Variants in RGMA observed in about 807,000 individuals in gnomAD.
RGMA encodes the protein repulsive guidance molecule BMP co-receptor a.
In RGMA, 10 loss-of-function variants were observed where a neutral mutation model predicts 23.2. The ratio of observed to expected loss-of-function variants is 0.43; its 90% CI spans 0.27 to 0.73. RGMA has a LOEUF of 0.73. Among genes scored for constraint, RGMA ranks in the 30% least tolerant of loss-of-function variants. The pLI is 0.20. For missense variants in RGMA, 547 were observed against 630.5 expected, an observed-to-expected ratio of 0.87 and a Z score of 1.42; for synonymous variants, 308 against 279.3, an observed-to-expected ratio of 1.10 and a Z score of -1.03.
intron 2 of RGMA, among the ~76,000 whole-genome samples, chr15:93,058,898 T>G (rs4777759): frequency 0.55 from 83,040 of 151,920 alleles, 23,091 homozygotes; most frequent in East Asian, 0.84. Context: ...ATAGGGAGGT[T>G]GGGTAGGTAC....
intron 2 of RGMA, among the ~76,000 whole-genome samples, chr15:93,070,856 G>A (rs1300133604): frequency 6.6e-6 from 1 of 152,220 alleles, no homozygotes; most frequent in East Asian, 1.9e-4. Flanking sequence ...ATGGAATTTG[G>A]GCTGTGACTT....
chr15:93,088,888 C>T (rs1192263675), intron 1 of RGMA, 31 bp downstream of exon 1: 1 of 1,489,758 alleles, frequency 6.7e-7, no homozygotes. Flanking sequence ...ATGTCAGAGC[C>T]GGGTCTGCCC....
chr15:93,076,888 A>G (rs947280089), intron 1 of RGMA, among the ~76,000 whole-genome samples: 12 of 152,210 alleles, frequency 7.9e-5, no homozygotes, highest in Admixed American at 2.6e-4. Flanking sequence ...GGCGAGACAG[A>G]TTACTTAACA....
At chr15:93,074,737 G>C (rs78001161) in intron 1 of RGMA, among the ~76,000 whole-genome samples, 6,711 of 152,234 alleles carry the variant, frequency 0.044, 520 homozygotes, top group African/African-American at 0.16. Context: ...CCTGGGGCCC[G>C]ACCCAACAAT....
chr15:93,045,363 A>G lies in RGMA; in HGVS notation c.988T>C (p.Phe330Leu), dbSNP rs2054805871. 1 of 1,612,812 alleles carries G rather than the reference A, an allele frequency of 6.2e-7. No individual in the cohort carries two copies. The highest frequency in any genetic ancestry group is 8.5e-7 in the Non-Finnish European group (1 of 1,179,774). The change falls in exon 4 of 4, where the codon TTC becomes CTC. Residue 330 changes from phenylalanine to leucine, a missense_variant. Phe to Leu is a conservative substitution (Grantham distance 22). Around this residue, in one of 3 missense-constraint regions of RGMA, gnomAD observed 205 missense variants for 204.1 expected, o/e 1.00. Transcript: ENST00000329082. This position sits in a 1 kb window ranked among gnomAD's most constrained non-coding sequence, Gnocchi z 6.9. ...CCGGTGCCCTCAGCATTGGTGTGGA[A>G]GGCCTGGAAGTCGATCTGCTGGTTG... is the stretch of plus-strand genomic sequence containing the variant. ...PLNQQIDFQA[F>L]HTNAEGTGAR... is the part of the protein sequence containing the mutation.
At chr15:93,080,774 C>A (rs921473624) in intron 1 of RGMA, among the ~76,000 whole-genome samples, 5 of 151,748 alleles carry the variant, frequency 3.3e-5, no homozygotes, top group Non-Finnish European at 7.4e-5. Flanking sequence ...ACCTGTCCTT[C>A]TCGACTTCCC....
At position 93,037,673 on chromosome 15, in the gene RGMA, A is replaced by G. The variant is rs1302358010; in HGVS notation, c.*7325T>C. On this transcript the variant is annotated 3_prime_UTR_variant, in exon 4 of 4. Coordinates refer to ENST00000329082, the MANE Select transcript of RGMA (RefSeq NM_020211.3). This position sits in a 1 kb window ranked among gnomAD's most constrained non-coding sequence, Gnocchi z 4.3. ...TGAGCTCAAAACCAATTCCCCAGAC[A>G]GTGTCTGAACACGTCTTTGTTCTTC... 2 of 152,212 alleles carry G rather than the reference A, an allele frequency of 1.3e-5. No individual in the cohort carries two copies. Among genetic ancestry groups the G allele is most frequent in the African/African-American group, 2.4e-5 (1 of 41,432 alleles). The allele number at this position is 152,212 out of a possible 1,614,324, so 9.4% of individuals were successfully genotyped here.
chr15:93,078,230 A>G (rs1044615434), intron 1 of RGMA, among the ~76,000 whole-genome samples: 1 of 152,160 alleles, frequency 6.6e-6, no homozygotes, highest in African/African-American at 2.4e-5. Flanking sequence ...TCTCTAACAG[A>G]TCCCTGTCTA....
intron 2 of RGMA, among the ~76,000 whole-genome samples, chr15:93,072,377 C>T (rs1388959554): frequency 6.6e-6 from 1 of 152,232 alleles, no homozygotes; most frequent in Non-Finnish European, 1.5e-5. Flanking sequence ...CAAACAGGAA[C>T]ACCAGCTCAT....
intron 2 of RGMA, among the ~76,000 whole-genome samples, chr15:93,063,805 G>A (rs1895050392): frequency 6.6e-6 from 1 of 152,158 alleles, no homozygotes; most frequent in Non-Finnish European, 1.5e-5. Context: ...GAGAAAGAGG[G>A]AGCTTCTCAG....
At chr15:93,054,444 A>T (rs577474824) in intron 2 of RGMA, among the ~76,000 whole-genome samples, 3 of 152,164 alleles carry the variant, frequency 2.0e-5, no homozygotes, top group Admixed American at 1.3e-4. Flanking sequence ...AGATAAGTGA[A>T]TCAGGAGGTC....
intron 1 of RGMA, 46 bp downstream of exon 1, chr15:93,088,873 C>G: frequency 2.7e-6 from 4 of 1,487,332 alleles, no homozygotes; most frequent in South Asian, 1.2e-5. Context: ...GGCGGCGCCT[C>G]GGAGATGTCA....
chr15:93,077,683 T>G (rs1895494431), intron 1 of RGMA, among the ~76,000 whole-genome samples: 1 of 152,176 alleles, frequency 6.6e-6, no homozygotes, highest in Admixed American at 6.5e-5. Flanking sequence ...TTATGAGTGT[T>G]AGTAGTTGAG....
intron 2 of RGMA, among the ~76,000 whole-genome samples, chr15:93,072,435 G>A (rs1446465325): frequency 6.6e-6 from 1 of 152,168 alleles, no homozygotes; most frequent in African/African-American, 2.4e-5. Context: ...GGGTGGAAAC[G>A]AGACGAGGTC....
chr15:93,041,561 A>G lies in RGMA; in HGVS notation c.*3437T>C, dbSNP rs566249326. ...GGAAAAAAAATTCCAAACCAAGAAT[A>G]CTTTGTGGCTAGTGCCATTTAGCAT... On this transcript the variant is annotated 3_prime_UTR_variant, in exon 4 of 4. Transcript: ENST00000329082. 1 of 152,324 alleles carries G rather than the reference A, an allele frequency of 6.6e-6. No homozygotes were observed. Among genetic ancestry groups the G allele is most frequent in the African/African-American group, 2.4e-5 (1 of 41,564 alleles). The allele number at this position is 152,324 out of a possible 1,614,324, so 9.4% of individuals were successfully genotyped here. A position where few individuals can be genotyped will look rare whatever the true frequency, so the allele number is the denominator to read the frequency against.
At chr15:93,076,679 T>C (rs1056923283) in intron 1 of RGMA, among the ~76,000 whole-genome samples, 2 of 152,218 alleles carry the variant, frequency 1.3e-5, no homozygotes, top group African/African-American at 4.8e-5. Flanking sequence ...TTTACATTTC[T>C]AGAAACTTTC....
chr15:93,077,661 G>T (rs766555437), intron 1 of RGMA, among the ~76,000 whole-genome samples: 1 of 152,214 alleles, frequency 6.6e-6, no homozygotes, highest in Admixed American at 6.5e-5. Flanking sequence ...AATCTTGTGC[G>T]AGGGTGAGTG....
At position 93,038,450 on chromosome 15, in the gene RGMA, C is replaced by A. The variant is rs991205682; in HGVS notation, c.*6548G>T. 3 of 152,104 alleles carry A rather than the reference C, an allele frequency of 2.0e-5. No homozygotes were observed. The highest frequency in any genetic ancestry group is 7.2e-5 in the African/African-American group (3 of 41,394). The allele number at this position is 152,104 out of a possible 1,614,324, so 9.4% of individuals were successfully genotyped here. A position where few individuals can be genotyped will look rare whatever the true frequency, so the allele number is the denominator to read the frequency against. ...TGCGAGGGCGGAGGGTGGACTGTTT[C>A]TTCAAGATGCCCTCTCCCCAGTTCT... is the stretch of plus-strand genomic sequence containing the variant. On this transcript the variant is annotated 3_prime_UTR_variant, in exon 4 of 4. Coordinates refer to ENST00000329082, the MANE Select transcript of RGMA (RefSeq NM_020211.3).
At chr15:93,049,775 G>A (rs982856045) in intron 3 of RGMA, among the ~76,000 whole-genome samples, 5 of 152,244 alleles carry the variant, frequency 3.3e-5, no homozygotes, top group African/African-American at 1.2e-4. Flanking sequence ...GAAGCCTGAG[G>A]AGAGGCCCTC....
Sources: allele counts gnomAD v4.1 joint callset (sites outside exome capture counted in the v4.1 genomes callset), GRCh38; gene constraint gnomAD v4.1.1; regional missense constraint gnomAD v4.1.1; non-coding constraint Gnocchi (gnomAD v3.1); transcripts MANE v1.5; gene names NCBI Gene and HGNC (gene_info 2026-07-23, HGNC 2026-07-21).